CTNNA2: variants seen among roughly 807,000 people sequenced by gnomAD.
CTNNA2 encodes the protein catenin alpha 2, also known as catenin alpha-2.
Under a neutral mutation model 101.0 loss-of-function variants are expected in CTNNA2, and 42 were observed. The ratio of observed to expected loss-of-function variants is 0.42; its 90% CI spans 0.32 to 0.54. CTNNA2 has a LOEUF of 0.54. CTNNA2 is among the 20% of genes least tolerant of loss of function. The pLI, the probability that CTNNA2 is intolerant of heterozygous loss-of-function variation, is 0.14. For synonymous variants in CTNNA2, 450 were observed against 456.4 expected (o/e 0.99, Z 0.18); for missense variants, 871 against 1,223.1 (o/e 0.71, Z 4.29).
chr2:80,006,359 TA>T (rs5832428), intron 7 of CTNNA2, among the ~76,000 whole-genome samples: 20,991 of 138,934 alleles, frequency 0.15, 1,683 homozygotes, highest in South Asian at 0.33. Flanking sequence ...AGAAGTGCAG[TA>T]AAAAAAAAAA....
rs536029523 is a variant in CTNNA2 at position 79,574,544 on chromosome 2, G to T, written c.-6+61337G>T. Among the ~76,000 whole-genome samples, 80 of 152,302 alleles carry T rather than the reference G, an allele frequency of 5.3e-4. No individual in the cohort carries two copies. The South Asian group carries it at 0.016, about 30-fold the overall frequency. ...CAATCCATGCTGCTGCAGAGGACAT[G>T]ATCTCCTTCATTTTTATGGCTGTGT... On this transcript the variant is annotated intron_variant, in intron 1 of 18. Coordinates refer to ENST00000402739, the MANE Select transcript of CTNNA2 (RefSeq NM_001282597.3).
At chr2:80,636,461 T>C (rs1160601270) in intron 18 of CTNNA2, among the ~76,000 whole-genome samples, 4 of 152,112 alleles carry the variant, frequency 2.6e-5, no homozygotes, top group Non-Finnish European at 4.4e-5. Context: ...CCTTCAGTGT[T>C]TGGTAGGCAC....
At chr2:79,325,352 C>T (rs1255135339) in intron 3 of CTNNA2, among the ~76,000 whole-genome samples, 1 of 152,074 alleles carries the variant, frequency 6.6e-6, no homozygotes, top group African/African-American at 2.4e-5. Context: ...AAGAGAGAGA[C>T]GAGAAAGGCT....
chr2:80,125,682 G>A (rs918553152), intron 7 of CTNNA2, among the ~76,000 whole-genome samples: 1 of 152,150 alleles, frequency 6.6e-6, no homozygotes, highest in South Asian at 2.1e-4. Context: ...ATTGGAGTTG[G>A]CATGTGAGAT....
At chr2:80,641,120 A>T (rs1673428938) in intron 18 of CTNNA2, among the ~76,000 whole-genome samples, 1 of 152,200 alleles carries the variant, frequency 6.6e-6, no homozygotes, top group Non-Finnish European at 1.5e-5. Context: ...TGAAAATAAA[A>T]TAGCAAGGCC....
chr2:80,011,969 A>G (rs1693821480), intron 7 of CTNNA2, among the ~76,000 whole-genome samples: 1 of 152,174 alleles, frequency 6.6e-6, no homozygotes, highest in Admixed American at 6.5e-5. Flanking sequence ...AGTACAACTG[A>G]AGCAGTCATA....
intron 3 of CTNNA2, among the ~76,000 whole-genome samples, chr2:79,795,047 CATCTT>C (rs1471718740): frequency 6.6e-6 from 1 of 152,154 alleles, no homozygotes; most frequent in East Asian, 1.9e-4. Flanking sequence ...GTTCTAGCCT[CATCTT>C]GACAAGCATA....
chr2:79,295,753 A>G (rs1675963815), intron 2 of CTNNA2, among the ~76,000 whole-genome samples: 1 of 152,106 alleles, frequency 6.6e-6, no homozygotes, highest in Non-Finnish European at 1.5e-5. Context: ...ATCTCTCTGC[A>G]TATCCTATTT....
chr2:79,627,416 A>G (rs952377508), intron 1 of CTNNA2, among the ~76,000 whole-genome samples: 1 of 152,190 alleles, frequency 6.6e-6, no homozygotes, highest in Non-Finnish European at 1.5e-5. Flanking sequence ...GTTGATTGTC[A>G]TCCTGTAAAT....
chr2:79,641,958 C>G (rs1573549441), intron 1 of CTNNA2, among the ~76,000 whole-genome samples: 1 of 152,122 alleles, frequency 6.6e-6, no homozygotes, highest in African/African-American at 2.4e-5. Context: ...TCTTTTTACT[C>G]AGCAAACTCT....
At chr2:80,135,657 G>T (rs890372336) in intron 7 of CTNNA2, among the ~76,000 whole-genome samples, 3 of 152,092 alleles carry the variant, frequency 2.0e-5, no homozygotes, top group Non-Finnish European at 4.4e-5. Flanking sequence ...CTGATTGTGG[G>T]CCCCCTATGA....
intron 14 of CTNNA2, among the ~76,000 whole-genome samples, chr2:80,588,009 C>T (rs1160391036): frequency 2.0e-5 from 3 of 152,180 alleles, no homozygotes; most frequent in African/African-American, 7.2e-5. Flanking sequence ...AATATTTAAT[C>T]ATTGGTCCTA....
chr2:79,694,515 AACTT>A (rs960910642), intron 2 of CTNNA2, among the ~76,000 whole-genome samples: 7 of 151,938 alleles, frequency 4.6e-5, no homozygotes, highest in South Asian at 2.1e-4. Context: ...TATTTTATAA[AACTT>A]AGTATTTAAG....
At chr2:79,525,235 A>C (rs1250741766) in intron 1 of CTNNA2, among the ~76,000 whole-genome samples, 1 of 151,930 alleles carries the variant, frequency 6.6e-6, no homozygotes, top group Non-Finnish European at 1.5e-5. Flanking sequence ...TCCAGTTCGT[A>C]CCCACATAGA....
At chr2:80,081,783 G>A (rs1359421286) in intron 7 of CTNNA2, among the ~76,000 whole-genome samples, 1 of 108,102 alleles carries the variant, frequency 9.3e-6, no homozygotes, top group African/African-American at 4.7e-5. Context: ...GTGTGTCTGT[G>A]TTTCTCTCTC....
chr2:79,751,024 TGGGCAGTCAAATGTATA>T (rs1419321392), intron 3 of CTNNA2, among the ~76,000 whole-genome samples: 1 of 152,162 alleles, frequency 6.6e-6, no homozygotes, highest in African/African-American at 2.4e-5. Context: ...AAGTATATAC[TGGGCAGTCAAATGTATA>T]GGGCAGTTAA....
chr2:79,645,091 T>G (rs1035571050), intron 1 of CTNNA2, among the ~76,000 whole-genome samples: 2 of 152,126 alleles, frequency 1.3e-5, no homozygotes, highest in African/African-American at 4.8e-5. Flanking sequence ...CAGGCCATCT[T>G]CCCACCTCAG....
chr2:80,639,180 C>A (rs1324304938), intron 18 of CTNNA2, among the ~76,000 whole-genome samples: 1 of 152,136 alleles, frequency 6.6e-6, no homozygotes, highest in African/African-American at 2.4e-5. Flanking sequence ...TATCAGGGAT[C>A]AGTATGTGTT....
At chr2:79,377,323 A>C (rs1677988982) in intron 4 of CTNNA2, among the ~76,000 whole-genome samples, 2 of 152,162 alleles carry the variant, frequency 1.3e-5, no homozygotes, top group African/African-American at 4.8e-5. Context: ...CTAACCTAGA[A>C]AGACACTATG....
Sources: allele counts gnomAD v4.1 joint callset (sites outside exome capture counted in the v4.1 genomes callset), GRCh38; gene constraint gnomAD v4.1.1; transcripts MANE v1.5; gene names NCBI Gene and HGNC (gene_info 2026-07-23, HGNC 2026-07-21).